Variants in PDGFRL observed in about 807,000 individuals in gnomAD.
PDGFRL encodes the protein platelet derived growth factor receptor like.
PDGFRL carries 46 observed loss-of-function variants against 37.2 expected under a neutral mutation model. That is an observed-to-expected ratio of 1.24 (90% CI 0.98 to 1.58). The LOEUF (loss-of-function observed/expected upper bound fraction) is 1.58, where lower values mean the gene tolerates loss of function less well. PDGFRL is among the 40% of genes most tolerant of loss of function. The pLI is 0.00. For synonymous variants in PDGFRL, 251 were observed against 184.3 expected (o/e 1.36, Z -2.93); for missense variants, 692 against 467.6 (o/e 1.48, Z -4.43).
At chr8:17,595,114 G>A (rs1296309046) in intron 2 of PDGFRL, among the ~76,000 whole-genome samples, 1 of 152,124 alleles carries the variant, frequency 6.6e-6, no homozygotes, top group African/African-American at 2.4e-5. Context: ...GGGCCCTATG[G>A]GTCTTGGGCC....
chr8:17,612,898 TAA>T (rs1481197192), intron 2 of PDGFRL, among the ~76,000 whole-genome samples: 3 of 152,210 alleles, frequency 2.0e-5, no homozygotes, highest in East Asian at 1.9e-4. Context: ...TTTTTATGTG[TAA>T]AGTTATCAAA....
In PDGFRL at chr8:17,642,722, T is replaced by C. The variant is rs142259488; in HGVS notation, c.1049T>C (p.Ile350Thr). Residue 350 changes from isoleucine (I) to threonine (T), a missense_variant, in exon 6 of 6, where the codon ATT becomes ACT. Coordinates refer to ENST00000251630, the MANE Select transcript of PDGFRL (RefSeq NM_001372073.1). ...ATTACAGTGGAAGACTTTGAGACGA[T>C]TGATGCAGGATATTACATTTGCACT... is the stretch of plus-strand genomic sequence containing the variant. ...SVITVEDFETIDAGYYICTAQ... is the reference protein window; with the variant it reads ...SVITVEDFETTDAGYYICTAQ... 70 of 1,606,746 alleles carry C rather than the reference T, an allele frequency of 4.4e-5. 1 individual carries two copies. Among genetic ancestry groups the C allele is most frequent in the Admixed American group, 2.8e-4 (17 of 59,998 alleles).
At chr8:17,635,302 C>G (rs187941857) in intron 5 of PDGFRL, among the ~76,000 whole-genome samples, 3 of 152,046 alleles carry the variant, frequency 2.0e-5, no homozygotes, top group Non-Finnish European at 2.9e-5. Flanking sequence ...CAACCCTTTC[C>G]CCTGAATCCC....
chr8:17,628,758 G>C lies in PDGFRL; in HGVS notation c.777G>C (p.Lys259Asn). The C allele has an allele frequency of 6.2e-7, 1 of 1,613,988 alleles. No homozygotes were observed. The highest frequency in any genetic ancestry group is 1.7e-4 in the Middle Eastern group (1 of 6,052). Residue 259 changes from lysine to asparagine, a missense_variant, in exon 4 of 6, where the codon AAG becomes AAC. Coordinates refer to ENST00000251630, the MANE Select transcript of PDGFRL (RefSeq NM_001372073.1). ...GGGGCAGATCTCAGATCTCCGTCAAGTACCAGCTGCTCTATGTGGCGGGTA... is the reference window on the plus strand; with the variant it reads ...GGGGCAGATCTCAGATCTCCGTCAACTACCAGCTGCTCTATGTGGCGGGTA... ...EAGGRSQISVKYQLLYVAVPS... is the reference protein window; with the variant it reads ...EAGGRSQISVNYQLLYVAVPS...
intron 3 of PDGFRL, among the ~76,000 whole-genome samples, chr8:17,625,134 T>G: frequency 2.9e-4 from 1 of 3,412 alleles, no homozygotes. Flanking sequence ...AAGCTATCCC[T>G]CCCCCCCCCG....
chr8:17,637,132 G>A (rs879386840), intron 5 of PDGFRL, among the ~76,000 whole-genome samples: 2 of 152,074 alleles, frequency 1.3e-5, no homozygotes, highest in Non-Finnish European at 2.9e-5. Flanking sequence ...TTGCTCTGGC[G>A]AGGACTTCCA....
At chr8:17,625,117 T>C (rs1804706778) in intron 3 of PDGFRL, among the ~76,000 whole-genome samples, 1 of 146,916 alleles carries the variant, frequency 6.8e-6, no homozygotes, top group African/African-American at 2.5e-5. Context: ...ATTAGGTATA[T>C]CTCCTAAAGC....
intron 1 of PDGFRL, 101 bp from the exon 2 acceptor site, chr8:17,589,367 T>C (rs921498197): frequency 1.8e-5 from 15 of 833,014 alleles, no homozygotes; most frequent in African/African-American, 1.4e-4. Flanking sequence ...ACCTGGGCAA[T>C]AGAGTAAGAA....
intron 2 of PDGFRL, among the ~76,000 whole-genome samples, chr8:17,593,741 A>T (rs1803992457): frequency 6.6e-6 from 1 of 152,110 alleles, no homozygotes; most frequent in Non-Finnish European, 1.5e-5. Flanking sequence ...CTAAAAATAC[A>T]AAATTAGCTG....
intron 5 of PDGFRL, among the ~76,000 whole-genome samples, chr8:17,641,898 C>CCCCCCCCCCCCCCCCCCACCCCT (rs1563534531): frequency 7.7e-6 from 1 of 129,862 alleles, no homozygotes; most frequent in African/African-American, 3.2e-5. Flanking sequence ...AATAGAGGTC[C>CCCCCCCCCCCCCCCCCCACCCCT]CCGCCACATT....
intron 1 of PDGFRL, among the ~76,000 whole-genome samples, chr8:17,583,902 GAATCTT>G (rs1803761226): frequency 6.6e-6 from 1 of 152,160 alleles, no homozygotes; most frequent in Non-Finnish European, 1.5e-5. Flanking sequence ...GCCCAGTCTT[GAATCTT>G]CTGGCCAGCA....
At position 17,626,306 on chromosome 8, in the gene PDGFRL, C is replaced by G. The variant is rs1019634756; in HGVS notation, c.506-2181C>G. Among the ~76,000 whole-genome samples, 7 of 152,312 alleles carry G rather than the reference C, an allele frequency of 4.6e-5. No individual in the cohort carries two copies. The South Asian group carries it at 1.5e-3, about 32-fold the overall frequency. On this transcript the variant is annotated intron_variant, in intron 3 of 5. Coordinates refer to ENST00000251630, the MANE Select transcript of PDGFRL (RefSeq NM_001372073.1). Reference sequence around the variant, plus strand: ...TAGGCATGACGTTGACAAAGGTACCCCTTACCTAAGCCTGAAAGCCAATTT... The same window carrying G: ...TAGGCATGACGTTGACAAAGGTACCGCTTACCTAAGCCTGAAAGCCAATTT...
At chr8:17,635,294 A>G (rs372915686) in intron 5 of PDGFRL, among the ~76,000 whole-genome samples, 5 of 151,154 alleles carry the variant, frequency 3.3e-5, no homozygotes, top group Admixed American at 6.6e-5. Flanking sequence ...CCTCCCCCCA[A>G]CCCTTTCCCC....
chr8:17,597,364 C>T (rs73666195), intron 2 of PDGFRL, among the ~76,000 whole-genome samples: 21,929 of 152,124 alleles, frequency 0.14, 4,220 homozygotes, highest in African/African-American at 0.43. Flanking sequence ...TCTGGAAGCA[C>T]GACCACATTT....
chr8:17,641,898 C>CCCCCCCCCCCCCCCCCCCCCCCT (rs1563534531), intron 5 of PDGFRL, among the ~76,000 whole-genome samples: 1 of 129,860 alleles, frequency 7.7e-6, no homozygotes, highest in African/African-American at 3.2e-5. Context: ...AATAGAGGTC[C>CCCCCCCCCCCCCCCCCCCCCCCT]CCGCCACATT....
At chr8:17,641,205 A>G (rs1420751259) in intron 5 of PDGFRL, among the ~76,000 whole-genome samples, 1 of 152,198 alleles carries the variant, frequency 6.6e-6, no homozygotes, top group Non-Finnish European at 1.5e-5. Context: ...CCTCTTGGAT[A>G]AGAAAGCAAA....
At chr8:17,641,297 T>C (rs1805087593) in intron 5 of PDGFRL, among the ~76,000 whole-genome samples, 1 of 152,160 alleles carries the variant, frequency 6.6e-6, no homozygotes. Flanking sequence ...CTCACCCGAG[T>C]TCTGTCCAGG....
intron 2 of PDGFRL, among the ~76,000 whole-genome samples, chr8:17,610,966 T>C (rs933605707): frequency 6.6e-6 from 1 of 152,236 alleles, no homozygotes; most frequent in African/African-American, 2.4e-5. Flanking sequence ...TTTCTCTACA[T>C]GGTGAGTGCC....
At chr8:17,586,682 G>A (rs1803824881) in intron 1 of PDGFRL, among the ~76,000 whole-genome samples, 1 of 152,116 alleles carries the variant, frequency 6.6e-6, no homozygotes, top group Non-Finnish European at 1.5e-5. Flanking sequence ...ATCACTTACT[G>A]TAGGTCAGAT....
Sources: gnomAD v4.1 joint callset for allele counts (sites outside exome capture counted in the v4.1 genomes callset) on GRCh38, gnomAD v4.1.1 for gene constraint, MANE v1.5 for transcripts, NCBI Gene and HGNC (gene_info 2026-07-23, HGNC 2026-07-21) for gene names.